USP37: variants seen among roughly 807,000 people sequenced by gnomAD.
USP37 encodes the protein ubiquitin specific peptidase 37.
A neutral mutation model predicts 124.0 loss-of-function variants in USP37; 27 were observed. The observed-to-expected ratio is 0.22, with a 90% CI of 0.16 to 0.30. The LOEUF is 0.30. Among genes scored for constraint, USP37 ranks in the 10% least tolerant of loss-of-function variants. The pLI is 1.00. For missense variants in USP37, 889 were observed against 1,140.4 expected (o/e 0.78, Z 3.17); for synonymous variants, 365 against 388.0 (o/e 0.94, Z 0.70).
Position 218,553,584 on chromosome 2 carries a change from T to C in USP37, c.297A>G (p.Leu99=), listed in dbSNP as rs150347568. The stretch of plus-strand genomic sequence containing the variant: ...GAAGTCTGTTTTGATGGACTGCATC[T>C]AGAAACAACCTCATTTCCTCTGCAT... ...SKDAEEMRLF[L]DAVHQNRLPA... is the part of the protein sequence containing the mutation. The change falls in exon 5 of 26, where the codon CTA becomes CTG. Residue 99 remains leucine (L), a synonymous_variant. Coordinates refer to ENST00000258399, the MANE Select transcript of USP37 (RefSeq NM_020935.3). 769 of 1,613,818 alleles carry C rather than the reference T, an allele frequency of 4.8e-4. No individual in the cohort carries two copies. Among genetic ancestry groups the C allele is most frequent in the Admixed American group, 7.2e-4 (43 of 59,956 alleles).
chr2:218,490,912 T>C (rs1243438836), intron 14 of USP37, among the ~76,000 whole-genome samples: 1 of 152,192 alleles, frequency 6.6e-6, no homozygotes, highest in Non-Finnish European at 1.5e-5. Flanking sequence ...CTTGCTCTGT[T>C]GTCCAGGCTG....
At chr2:218,563,851 C>T (rs1693443126) in intron 1 of USP37, among the ~76,000 whole-genome samples, 2 of 152,028 alleles carry the variant, frequency 1.3e-5, no homozygotes, top group Admixed American at 6.6e-5. Flanking sequence ...GTCAGGAGTT[C>T]GAGACCAGCC....
intron 20 of USP37, 89 bp downstream of exon 20, chr2:218,474,541 T>C: frequency 1.3e-6 from 2 of 1,532,546 alleles, no homozygotes; most frequent in East Asian, 2.3e-5. Context: ...TTTCTATTTA[T>C]CTCCCGTTAT....
intron 22 of USP37, among the ~76,000 whole-genome samples, chr2:218,461,449 T>C (rs896774734): frequency 6.6e-6 from 1 of 151,146 alleles, no homozygotes; most frequent in East Asian, 1.9e-4. Flanking sequence ...GAAGTTGCAG[T>C]GAGCCAAGAT....
intron 8 of USP37, among the ~76,000 whole-genome samples, chr2:218,536,514 C>T (rs578450): frequency 0.66 from 100,810 of 152,098 alleles, 33,851 homozygotes; most frequent in East Asian, 0.9. Context: ...CCCAGCTCTC[C>T]TGATTTGGAT....
intron 20 of USP37, among the ~76,000 whole-genome samples, chr2:218,467,222 C>T (rs1690381684): frequency 6.8e-6 from 1 of 147,186 alleles, no homozygotes. Flanking sequence ...TGCAGTGGCT[C>T]ACTGCAACCT....
chr2:218,495,656 T>G, intron 14 of USP37, 104 bp downstream of exon 14: 1 of 1,316,100 alleles, frequency 7.6e-7, no homozygotes, highest in Non-Finnish European at 1.0e-6. Flanking sequence ...AGACCCTGTC[T>G]TAAAAACAGA....
chr2:218,491,000 A>C (rs548066789), intron 14 of USP37, among the ~76,000 whole-genome samples: 1 of 152,174 alleles, frequency 6.6e-6, no homozygotes, highest in Non-Finnish European at 1.5e-5. Flanking sequence ...TAGCCTCCCA[A>C]ATAGCTGGGA....
chr2:218,534,437 C>T (rs1220525208), intron 9 of USP37, among the ~76,000 whole-genome samples, 172 bp downstream of exon 9: 9 of 152,060 alleles, frequency 5.9e-5, no homozygotes, highest in South Asian at 2.1e-4. Context: ...TGCAGTGAGC[C>T]GATATTGTGC....
intron 8 of USP37, among the ~76,000 whole-genome samples, chr2:218,541,158 C>T (rs1691949607): frequency 6.6e-6 from 1 of 152,174 alleles, no homozygotes; most frequent in Non-Finnish European, 1.5e-5. Flanking sequence ...AGAATTTGTG[C>T]TGTCTCTCCA....
At chr2:218,505,632 A>G (rs999295244) in intron 11 of USP37, among the ~76,000 whole-genome samples, 2 of 152,100 alleles carry the variant, frequency 1.3e-5, no homozygotes, top group Admixed American at 6.6e-5. Context: ...CCTGCTTTGC[A>G]TGATGATTTT....
chr2:218,463,478 C>G, intron 21 of USP37, 112 bp from the exon 22 acceptor site: 1 of 832,846 alleles, frequency 1.2e-6, no homozygotes, highest in Non-Finnish European at 1.9e-6. Flanking sequence ...CTTTCTATAA[C>G]CTTATGGATG....
chr2:218,543,514 A>AAC (rs1692109714), intron 8 of USP37, among the ~76,000 whole-genome samples: 2 of 149,702 alleles, frequency 1.3e-5, no homozygotes, highest in African/African-American at 4.9e-5. Flanking sequence ...AAAAAAAAAA[A>AAC]AAAAAAAAAA....
At chr2:218,488,175 CAAAAAAAAAAA>C (rs66581703) in intron 15 of USP37, 118 bp downstream of exon 15, 4 of 349,910 alleles carry the variant, frequency 1.1e-5, no homozygotes, top group Non-Finnish European at 1.4e-5. Flanking sequence ...GACCCTGTCT[CAAAAAAAAAAA>C]AAAAAAAAAA....
At chr2:218,465,295 A>C (rs1429400114) in intron 21 of USP37, among the ~76,000 whole-genome samples, 1 of 151,962 alleles carries the variant, frequency 6.6e-6, no homozygotes, top group African/African-American at 2.4e-5. Flanking sequence ...TGGACTGGGA[A>C]GCCAGGCATG....
At chr2:218,544,424 T>TAAAGAG (rs763870747) in intron 8 of USP37, among the ~76,000 whole-genome samples, 1 of 57,186 alleles carries the variant, frequency 1.7e-5, no homozygotes, top group Non-Finnish European at 2.8e-5. Flanking sequence ...TATATATATA[T>TAAAGAG]ATATATAGAG....
At chr2:218,486,413 A>AT (rs1364250897) in intron 15 of USP37, 1 of 152,114 alleles carries the variant, frequency 6.6e-6, no homozygotes, top group Non-Finnish European at 1.5e-5. Context: ...TAATAAACAG[A>AT]TTTTTTTGTC....
intron 22 of USP37, among the ~76,000 whole-genome samples, chr2:218,461,503 T>C (rs1023955776): frequency 3.6e-5 from 5 of 140,414 alleles, no homozygotes; most frequent in African/African-American, 1.3e-4. Context: ...AGAAACTCCA[T>C]CTCAAAAGAA....
intron 24 of USP37, 98 bp from the exon 25 acceptor site, chr2:218,455,816 G>A (rs1689668708): frequency 2.3e-6 from 3 of 1,314,744 alleles, no homozygotes; most frequent in African/African-American, 1.5e-5. Context: ...GGGAGGCTGA[G>A]GCAGGCGGAT....
Sources: allele counts gnomAD v4.1 joint callset (sites outside exome capture counted in the v4.1 genomes callset), GRCh38; gene constraint gnomAD v4.1.1; transcripts MANE v1.5; gene names NCBI Gene and HGNC (gene_info 2026-07-23, HGNC 2026-07-21).